CD164L2: variants seen among roughly 807,000 people sequenced by gnomAD.
CD164L2 encodes CD164 sialomucin-like 2 protein.
In CD164L2, 21 loss-of-function variants were observed where a neutral mutation model predicts 23.9. That is an observed-to-expected ratio of 0.88 (90% confidence interval 0.62 to 1.27). The LOEUF (loss-of-function observed/expected upper bound fraction) is 1.27, where lower values mean the gene tolerates loss of function less well. Among genes scored for constraint, CD164L2 ranks in the 50% most tolerant of loss-of-function variants. The pLI, the probability that CD164L2 is intolerant of heterozygous loss-of-function variation, is 0.00. For synonymous variants in CD164L2, 92 were observed against 90.2 expected, an observed-to-expected ratio of 1.02 and a Z score of -0.11; for missense variants, 230 against 224.8, an observed-to-expected ratio of 1.02 and a Z score of -0.15.
At position 27,379,511 on chromosome 1, in the gene CD164L2, TG is replaced by T; in HGVS notation, c.519-3del. The T allele has an allele frequency of 6.5e-7, 1 of 1,549,614 alleles. No individual in the cohort carries two copies. The highest frequency in any genetic ancestry group is 1.2e-5 in the South Asian group (1 of 84,058). ...GTCCAGGCCCAAAGGGGTCAGATTC[TG>T]CAGAGGCCAAAGAGGACACTCAGGA... On this transcript the variant is annotated splice_region_variant and splice_polypyrimidine_tract_variant and intron_variant, in intron 5 of 5. Coordinates refer to ENST00000374030, the MANE Select transcript of CD164L2 (RefSeq NM_001330448.1).
chr1:27,382,119 C>A (rs756070075), intron 3 of CD164L2: 11 of 1,506,758 alleles, frequency 7.3e-6, no homozygotes, highest in Non-Finnish European at 8.9e-6. Flanking sequence ...CTAACACTCC[C>A]ATCCCCTCCA....
At chr1:27,381,931 T>C in intron 3 of CD164L2, 107 bp from the exon 4 acceptor site, 1 of 1,461,512 alleles carries the variant, frequency 6.8e-7, no homozygotes, top group Non-Finnish European at 9.4e-7. Flanking sequence ...TGCAGCCCTG[T>C]CCCTACTCTA....
Position 27,382,584 on chromosome 1 carries a change from C to T in CD164L2, c.172G>A (p.Glu58Lys). ...CCCTCCACGCAGTGCTCACAGACCT[C>T]CAGCTGTTTGCAGGCCCCTTGGACC... ...PAVQGACKQL[E>K]VCEHCVEGDG... The change falls in exon 2 of 6, where the codon GAG (glutamate) becomes AAG (lysine). Residue 58 changes from glutamate to lysine, a missense_variant. Physicochemically the swap from Glu to Lys is moderately conservative, Grantham distance 56. Coordinates refer to ENST00000374030, the MANE Select transcript of CD164L2 (RefSeq NM_001330448.1). The T allele has an allele frequency of 6.2e-7, 1 of 1,613,558 alleles. No individual in the cohort carries two copies. Among genetic ancestry groups the T allele is most frequent in the Non-Finnish European group, 8.5e-7 (1 of 1,179,932 alleles).
intron 4 of CD164L2, among the ~76,000 whole-genome samples, chr1:27,381,138 G>A (rs2016328289): frequency 6.6e-6 from 1 of 152,188 alleles, no homozygotes; most frequent in Non-Finnish European, 1.5e-5. Context: ...CTCCCGCTCA[G>A]GGAGCCCCAG....
intron 1 of CD164L2, among the ~76,000 whole-genome samples, 197 bp downstream of exon 1, chr1:27,382,955 G>A (rs1400698590): frequency 2.6e-5 from 4 of 151,872 alleles, no homozygotes; most frequent in African/African-American, 9.7e-5. Context: ...AGCTCCCTAG[G>A]CCCCCACACC....
Position 27,380,150 on chromosome 1 carries a change from G to T in CD164L2, c.419C>A (p.Ala140Asp), listed in dbSNP as rs376916990. 1.9e-4 allele frequency: 306 copies of T among 1,614,174 alleles called. 3 individuals are homozygous for T. The South Asian group carries it at 3.2e-3, about 17-fold the overall frequency. ...PEAHSPGFDG[A>D]SFIGGVVLVL... ...CAGCACGACACCTCCGATAAAGCTG[G>T]CCCCGTCAAATCCAGGGCTGTGGGC... Residue 140 changes from alanine (A) to aspartate (D), a missense_variant, in exon 5 of 6, where the codon GCC becomes GAC. Transcript: ENST00000374030.
In CD164L2 at chr1:27,380,114, A is replaced by G. The variant is rs199850149; in HGVS notation, c.455T>C (p.Leu152Pro). The G allele has an allele frequency of 2.5e-6, 4 of 1,614,132 alleles. No homozygotes were observed. The East Asian group carries it at 8.9e-5, about 36-fold the overall frequency. Residue 152 changes from leucine (L) to proline (P), a missense_variant, in exon 5 of 6, where the codon CTA becomes CCA. Transcript: ENST00000374030. ...FIGGVVLVLS[L>P]QAVAFFVLHF... ...CAGCACAAAGAAAGCCACCGCCTGT[A>G]GGCTCAACACCAGCACGACACCTCC... is the stretch of plus-strand genomic sequence containing the variant.
chr1:27,381,997 C>G (rs1030774467), intron 3 of CD164L2, 173 bp from the exon 4 acceptor site: 2 of 1,388,758 alleles, frequency 1.4e-6, no homozygotes, highest in Non-Finnish European at 1.9e-6. Flanking sequence ...TGTGCTCTCT[C>G]TCCATCTCTA....
chr1:27,382,509 C>A lies in CD164L2; in HGVS notation c.247G>T (p.Glu83Ter). ...SSCVWEQCRP[E>*]EPGHCVAQSE... ...GGGCTCAGCTCCATACCTGGCTCCTCTGGCCGGCACTGCTCCCACACGCAG... is the reference window on the plus strand; with the variant it reads ...GGGCTCAGCTCCATACCTGGCTCCTATGGCCGGCACTGCTCCCACACGCAG... The change falls in exon 2 of 6, where the codon GAG becomes TAG. Residue 83 changes from glutamate (E) to a stop codon, truncating the protein, a stop_gained. Coordinates refer to ENST00000374030, the MANE Select transcript of CD164L2 (RefSeq NM_001330448.1). LOFTEE classifies it high-confidence loss of function. 6.2e-7 allele frequency: 1 copy of A among 1,604,086 alleles called. No homozygotes were observed. Among genetic ancestry groups the A allele is most frequent in the Non-Finnish European group, 8.5e-7 (1 of 1,173,540 alleles).
At position 27,379,877 on chromosome 1, in the gene CD164L2, G is replaced by A. The variant is rs1464302917; in HGVS notation, c.518+174C>T. The A allele has an allele frequency of 3.3e-6, 5 of 1,501,728 alleles. No homozygotes were observed. The African/African-American group carries it at 4.2e-5, about 13-fold the overall frequency. 93.0% of individuals were successfully genotyped at this position (1,501,728 alleles called of 1,614,324 possible). On this transcript the variant is annotated intron_variant, in intron 5 of 5. Transcript: ENST00000374030. The stretch of plus-strand genomic sequence containing the variant: ...TGGTCCCAGCCAACATCTGACAAAG[G>A]AAACACCCCAACTGGAGGAGACAAA...
chr1:27,379,861 C>T (rs1178131947), intron 5 of CD164L2, 190 bp downstream of exon 5: 1 of 1,493,092 alleles, frequency 6.7e-7, no homozygotes, highest in Non-Finnish European at 8.9e-7. Flanking sequence ...CTGGTCCCAG[C>T]CAACATCTGA....
In CD164L2 at chr1:27,382,487, C is replaced by T. The variant is rs1331496811; in HGVS notation, c.256+13G>A. The T allele has an allele frequency of 1.3e-6, 2 of 1,594,584 alleles. No homozygotes were observed. The highest frequency in any genetic ancestry group is 4.5e-5 in the East Asian group (2 of 44,586). The stretch of plus-strand genomic sequence containing the variant: ...CTGGGGGCACTCAATCTGGGGAGGG[C>T]TCAGCTCCATACCTGGCTCCTCTGG... On this transcript the variant is annotated intron_variant, in intron 2 of 5. Coordinates refer to ENST00000374030, the MANE Select transcript of CD164L2 (RefSeq NM_001330448.1).
chr1:27,382,066 TG>T (rs2016345298), intron 3 of CD164L2: 1 of 1,474,726 alleles, frequency 6.8e-7, no homozygotes, highest in African/African-American at 1.4e-5. Flanking sequence ...TCATTCCCTC[TG>T]AACTTCCAAA....
intron 2 of CD164L2, 30 bp downstream of exon 2, chr1:27,382,470 A>C (rs765088953): frequency 6.3e-7 from 1 of 1,585,004 alleles, no homozygotes; most frequent in Non-Finnish European, 8.6e-7. Context: ...AGCTGGGGGC[A>C]CTCAATCTGG....
intron 5 of CD164L2, 60 bp from the exon 6 acceptor site, chr1:27,379,569 C>G (rs575953524): frequency 6.4e-7 from 1 of 1,550,604 alleles, no homozygotes; most frequent in African/African-American, 1.4e-5. Context: ...CCAAGGACCC[C>G]CTGCCTCGAG....
intron 3 of CD164L2, 72 bp downstream of exon 3, chr1:27,382,256 G>A: frequency 6.2e-7 from 1 of 1,614,064 alleles, no homozygotes; most frequent in Non-Finnish European, 8.5e-7. Flanking sequence ...GAGAGAGGCT[G>A]TTTCCTCCTG....
At chr1:27,382,176 G>C (rs927930773) in intron 3 of CD164L2, 152 bp downstream of exon 3, 3 of 1,570,188 alleles carry the variant, frequency 1.9e-6, no homozygotes, top group African/African-American at 1.4e-5. Context: ...GAGAGAGGAG[G>C]GGACTTCTCA....
intron 4 of CD164L2, among the ~76,000 whole-genome samples, chr1:27,381,164 G>T (rs1046861546): frequency 6.6e-6 from 1 of 152,232 alleles, no homozygotes; most frequent in African/African-American, 2.4e-5. Context: ...GAAGCTGGGG[G>T]ATGAGGAGCA....
At chr1:27,379,719 C>A in intron 5 of CD164L2, 2 of 1,451,884 alleles carry the variant, frequency 1.4e-6, no homozygotes, top group East Asian at 2.5e-5. Flanking sequence ...CCAGCTCCTG[C>A]CCACAGCCAC....
Sources: allele counts gnomAD v4.1 joint callset (sites outside exome capture counted in the v4.1 genomes callset), GRCh38; gene constraint gnomAD v4.1.1; transcripts MANE v1.5; gene names NCBI Gene and HGNC (gene_info 2026-07-23, HGNC 2026-07-21).